BPIFA2: variants seen among roughly 807,000 people sequenced by gnomAD.
BPIFA2 encodes the protein BPI fold containing family A member 2.
In BPIFA2, 20 loss-of-function variants were observed where a neutral mutation model predicts 25.7. That is an observed-to-expected ratio of 0.78 (90% CI 0.55 to 1.13). The LOEUF (loss-of-function observed/expected upper bound fraction) is 1.13. BPIFA2 is among the 50% of genes most tolerant of loss of function. The probability of loss-of-function intolerance (pLI) is 0.00; values close to 1 mark genes in which losing one functional copy is unlikely to be tolerated. For synonymous variants in BPIFA2, 126 were observed against 124.3 expected, an observed-to-expected ratio of 1.01 and a Z score of -0.09; for missense variants, 300 against 298.1, an observed-to-expected ratio of 1.01 and a Z score of -0.05.
chr20:33,169,119 A>G lies in BPIFA2; in HGVS notation c.-15-12A>G. The G allele has an allele frequency of 6.2e-7, 1 of 1,610,076 alleles. No homozygotes were observed. The highest frequency in any genetic ancestry group is 8.5e-7 in the Non-Finnish European group (1 of 1,176,760). Reference sequence around the variant, plus strand: ...GGCAATTCTCACTCCTGTTCTTCCCATGACTGTCCAGGTGTCAAGACAAAA... The same window carrying G: ...GGCAATTCTCACTCCTGTTCTTCCCGTGACTGTCCAGGTGTCAAGACAAAA... On this transcript the variant is annotated splice_polypyrimidine_tract_variant and intron_variant, in intron 1 of 8. Coordinates refer to ENST00000354932, the MANE Select transcript of BPIFA2 (RefSeq NM_080574.4).
chr20:33,177,574 A>G (rs997970380), intron 5 of BPIFA2, among the ~76,000 whole-genome samples: 8 of 152,156 alleles, frequency 5.3e-5, no homozygotes, highest in African/African-American at 1.4e-4. Context: ...TTTGGATCCA[A>G]TCCAACCCAA....
At chr20:33,180,432 C>A in intron 7 of BPIFA2, 88 bp from the exon 8 acceptor site, 1 of 1,435,406 alleles carries the variant, frequency 7.0e-7, no homozygotes, top group South Asian at 1.2e-5. Context: ...GTCAGGTTAC[C>A]GGCTGGAGAG....
intron 2 of BPIFA2, among the ~76,000 whole-genome samples, chr20:33,171,595 C>T (rs573373941): frequency 8.8e-4 from 134 of 152,274 alleles, no homozygotes; most frequent in African/African-American, 2.9e-3. Flanking sequence ...ACAGACACTT[C>T]TCAAAAGAAG....
At position 33,179,668 on chromosome 20, in the gene BPIFA2, G is replaced by A; in HGVS notation, c.709+1G>A. On this transcript the variant is annotated splice_donor_variant, in intron 7 of 8. Coordinates refer to ENST00000354932, the MANE Select transcript of BPIFA2 (RefSeq NM_080574.4). LOFTEE classifies it high-confidence loss of function. ...GTGAATGTCATTCAGCAGGTCGTCGGTAAGTCAATGGGGAAGTGGGGACCT... is the reference window on the plus strand; with the variant it reads ...GTGAATGTCATTCAGCAGGTCGTCGATAAGTCAATGGGGAAGTGGGGACCT... 1 of 1,608,178 alleles carries A rather than the reference G, an allele frequency of 6.2e-7. No homozygotes were observed. The highest frequency in any genetic ancestry group is 1.1e-5 in the South Asian group (1 of 90,960).
chr20:33,173,182 C>T (rs1024586968), intron 3 of BPIFA2, 106 bp downstream of exon 3: 12 of 1,381,732 alleles, frequency 8.7e-6, no homozygotes, highest in Non-Finnish European at 1.2e-5. Context: ...CCTCATTCCC[C>T]TCCCACAGAG....
chr20:33,169,188 A>G lies in BPIFA2; in HGVS notation c.43A>G (p.Thr15Ala), dbSNP rs775457300. ...ACTTGTTCTCCTGTGCGGCGTGCTC[A>G]CTGGGACCTCAGAGTCTCTTCTTGA... is the stretch of plus-strand genomic sequence containing the variant. ...WKLVLLCGVL[T>A]GTSESLLDNL... Residue 15 changes from threonine to alanine, a missense_variant, in exon 2 of 9, where the codon ACT becomes GCT. By Grantham distance (58) the Thr-to-Ala change is moderately conservative (BLOSUM62 0). Transcript: ENST00000354932. The G allele has an allele frequency of 3.7e-6, 6 of 1,614,044 alleles. No individual in the cohort carries two copies. The African/African-American group carries it at 5.3e-5, about 14-fold the overall frequency.
At chr20:33,175,946 G>A (rs9680082) in intron 5 of BPIFA2, among the ~76,000 whole-genome samples, 6 of 151,972 alleles carry the variant, frequency 3.9e-5, no homozygotes, top group Admixed American at 6.6e-5. Context: ...CTTTCAACTC[G>A]GTCAGTTTCT....
chr20:33,172,487 G>C (rs1261506547), intron 2 of BPIFA2, among the ~76,000 whole-genome samples: 1 of 152,030 alleles, frequency 6.6e-6, no homozygotes, highest in Non-Finnish European at 1.5e-5. Flanking sequence ...TCATGGATTG[G>C]AGCCATTTTT....
intron 5 of BPIFA2, among the ~76,000 whole-genome samples, chr20:33,176,704 G>A (rs766498433): frequency 9.9e-5 from 15 of 152,098 alleles, no homozygotes; most frequent in Admixed American, 2.6e-4. Context: ...TTGCACTTGT[G>A]GTTCAATCCC....
chr20:33,179,819 G>C, intron 7 of BPIFA2, 152 bp downstream of exon 7: 2 of 760,872 alleles, frequency 2.6e-6, no homozygotes, highest in Non-Finnish European at 4.5e-6. Flanking sequence ...ACAGGCACCC[G>C]GGGGCTCCCT....
chr20:33,166,825 A>T (rs1983740548), upstream of BPIFA2, among the ~76,000 whole-genome samples: 1 of 152,252 alleles, frequency 6.6e-6, no homozygotes, highest in Admixed American at 6.5e-5. Context: ...TCACTGCATC[A>T]TGCTCAGCAC....
At chr20:33,166,832 G>A (rs1983740818), upstream of BPIFA2, among the ~76,000 whole-genome samples, 1 of 152,240 alleles carries the variant, frequency 6.6e-6, no homozygotes, top group African/African-American at 2.4e-5. Context: ...ATCATGCTCA[G>A]CACCCTGGGC....
intron 8 of BPIFA2, 83 bp from the exon 9 acceptor site, chr20:33,181,141 A>G (rs1984267039): frequency 6.6e-6 from 1 of 152,660 alleles, no homozygotes; most frequent in Admixed American, 6.5e-5. Flanking sequence ...CTTGGGTCCC[A>G]TCAAGTGCCC....
upstream of BPIFA2, among the ~76,000 whole-genome samples, chr20:33,164,669 T>C (rs757715078): frequency 6.6e-6 from 1 of 151,766 alleles, no homozygotes; most frequent in Non-Finnish European, 1.5e-5. Context: ...CCTTCCTCTC[T>C]CTTTTTTCCT....
chr20:33,179,138 C>T (rs538612021), intron 6 of BPIFA2, among the ~76,000 whole-genome samples: 1 of 151,986 alleles, frequency 6.6e-6, no homozygotes, highest in Non-Finnish European at 1.5e-5. Flanking sequence ...TTCTAAAATC[C>T]TAAGGTTCAG....
Position 33,174,068 on chromosome 20 carries a change from G to T in BPIFA2, c.303-11G>T. On this transcript the variant is annotated splice_polypyrimidine_tract_variant and intron_variant, in intron 3 of 8. Coordinates refer to ENST00000354932, the MANE Select transcript of BPIFA2 (RefSeq NM_080574.4). ...GAGGAGTGACAAGGGTGAATTGTGG[G>T]TTTCACACAGGTTGAAAATCAGCAA... 6.2e-7 allele frequency: 1 copy of T among 1,611,028 alleles called. No individual in the cohort carries two copies. The highest frequency in any genetic ancestry group is 8.5e-7 in the Non-Finnish European group (1 of 1,177,134).
chr20:33,173,976 A>C (rs893424215), intron 3 of BPIFA2, 103 bp from the exon 4 acceptor site: 2 of 873,248 alleles, frequency 2.3e-6, no homozygotes, highest in African/African-American at 3.3e-5. Context: ...AAAGAAGGCA[A>C]GGCTGACGAG....
chr20:33,174,184 C>T lies in BPIFA2; in HGVS notation c.408C>T (p.Ala136=), dbSNP rs151315203. The change falls in exon 4 of 9, where the codon GCC becomes GCT. Residue 136 remains alanine, a splice_region_variant and synonymous_variant. Coordinates refer to ENST00000354932, the MANE Select transcript of BPIFA2 (RefSeq NM_080574.4). ...SFPVTANVTV[A]GPIIGQIINL... ...CTGTCACCGCGAATGTCACTGTGGC[C>T]GGGTGAGTATGCACTAGAATCTGAG... 4.9e-5 allele frequency: 79 copies of T among 1,613,748 alleles called. No individual in the cohort carries two copies. The Middle Eastern group carries it at 5.0e-4, about 10-fold the overall frequency.
chr20:33,174,222 C>T, intron 4 of BPIFA2, 36 bp downstream of exon 4: 2 of 1,596,502 alleles, frequency 1.3e-6, no homozygotes, highest in Non-Finnish European at 1.7e-6. Context: ...TTGGGAAAGG[C>T]AGTGCAACCT....
Sources: gnomAD v4.1 joint callset for allele counts (sites outside exome capture counted in the v4.1 genomes callset) on GRCh38, gnomAD v4.1.1 for gene constraint, MANE v1.5 for transcripts, NCBI Gene and HGNC (gene_info 2026-07-23, HGNC 2026-07-21) for gene names.